AGTPBP1: variants seen among roughly 807,000 people sequenced by gnomAD.
AGTPBP1 encodes ATP/GTP binding carboxypeptidase 1.
In AGTPBP1, 70 loss-of-function variants were observed where a neutral mutation model predicts 143.9. The observed-to-expected ratio is 0.49, with a 90% CI of 0.40 to 0.59. The LOEUF (loss-of-function observed/expected upper bound fraction) is 0.59. Ranked by LOEUF, AGTPBP1 falls within the 20% of genes least tolerant of loss-of-function variation. The pLI, the probability that AGTPBP1 is intolerant of heterozygous loss-of-function variation, is 0.00. For missense variants in AGTPBP1, 1,229 were observed against 1,464.5 expected, an observed-to-expected ratio of 0.84 and a Z score of 2.62; for synonymous variants, 463 against 500.2, an observed-to-expected ratio of 0.93 and a Z score of 0.99.
upstream of AGTPBP1, chr9:85,742,164 G>A (rs1018376180): frequency 1.1e-5 from 6 of 543,106 alleles, no homozygotes; most frequent in African/African-American, 1.0e-4. Context: ...GAGCGCGCGC[G>A]TGGGGGCGGA....
chr9:85,772,589 A>C, the AGTPBP1 span, among the ~76,000 whole-genome samples: 1 of 152,036 alleles, frequency 6.6e-6, no homozygotes, highest in Non-Finnish European at 1.5e-5. Context: ...TCTACGAAAA[A>C]ATTTTTTAAA....
the AGTPBP1 span, among the ~76,000 whole-genome samples, chr9:85,789,136 GT>G: frequency 6.6e-6 from 1 of 152,004 alleles, no homozygotes; most frequent in Non-Finnish European, 1.5e-5. Flanking sequence ...AAGGTATGGT[GT>G]TTTTCTTCCT....
At chr9:85,773,871 C>T in the AGTPBP1 span, 1 of 1,610,532 alleles carries the variant, frequency 6.2e-7, no homozygotes, top group Non-Finnish European at 8.5e-7. Context: ...ACGGAAACAA[C>T]AATTATATAA....
chr9:85,684,297 C>A (rs895235422), intron 3 of AGTPBP1, among the ~76,000 whole-genome samples: 1 of 152,114 alleles, frequency 6.6e-6, no homozygotes. Context: ...GCTCCTGTAC[C>A]AAAATCCTTG....
chr9:85,645,660 C>T (rs1329830337), intron 12 of AGTPBP1, among the ~76,000 whole-genome samples: 1 of 151,912 alleles, frequency 6.6e-6, no homozygotes, highest in East Asian at 1.9e-4. Context: ...CCCTCCTCCC[C>T]CATAAAAAAA....
chr9:85,778,591 C>G, the AGTPBP1 span, among the ~76,000 whole-genome samples: 1 of 152,190 alleles, frequency 6.6e-6, no homozygotes, highest in Non-Finnish European at 1.5e-5. Flanking sequence ...TTTCAGGTCA[C>G]TCAATAAATG....
chr9:85,797,485 G>C, the AGTPBP1 span, among the ~76,000 whole-genome samples: 1 of 152,122 alleles, frequency 6.6e-6, no homozygotes, highest in Admixed American at 6.6e-5. Flanking sequence ...TTGTTCAAAA[G>C]GTTCAGACAT....
chr9:85,727,084 C>G (rs996364439), intron 1 of AGTPBP1, among the ~76,000 whole-genome samples: 1 of 152,164 alleles, frequency 6.6e-6, no homozygotes, highest in Admixed American at 6.5e-5. Flanking sequence ...AATCCTAGCA[C>G]TCCAGGATGA....
At chr9:85,617,332 CAT>C (rs778823601) in intron 17 of AGTPBP1, among the ~76,000 whole-genome samples, 14 of 152,144 alleles carry the variant, frequency 9.2e-5, no homozygotes, top group Admixed American at 1.3e-4. Flanking sequence ...ACTTGTCACA[CAT>C]ATGTTTCTTC....
chr9:85,689,925 A>AATAT (rs1554726691), intron 3 of AGTPBP1, among the ~76,000 whole-genome samples: 3,544 of 72,206 alleles, frequency 0.049, 164 homozygotes, highest in East Asian at 0.076. Flanking sequence ...AAAAAAAAAA[A>AATAT]ATATATATAT....
chr9:85,573,699 G>C (rs1396545378), intron 25 of AGTPBP1, among the ~76,000 whole-genome samples: 1 of 151,548 alleles, frequency 6.6e-6, no homozygotes, highest in African/African-American at 2.4e-5. Context: ...AGGAAGTAAG[G>C]AGCGTCTCTG....
chr9:85,708,975 TC>T (rs1167411681), intron 2 of AGTPBP1, among the ~76,000 whole-genome samples: 1 of 152,200 alleles, frequency 6.6e-6, no homozygotes, highest in African/African-American at 2.4e-5. Flanking sequence ...AGGAAATACT[TC>T]CTGATTCCAA....
chr9:85,554,083 A>T (rs1826188775), intron 25 of AGTPBP1: 1 of 152,270 alleles, frequency 6.6e-6, no homozygotes, highest in Non-Finnish European at 1.5e-5. Context: ...CACACAGTTG[A>T]ATTCAGTTAT....
chr9:85,631,145 T>C (rs1257612557), intron 14 of AGTPBP1, among the ~76,000 whole-genome samples: 1 of 152,194 alleles, frequency 6.6e-6, no homozygotes, highest in Non-Finnish European at 1.5e-5. Flanking sequence ...CCACATCTTG[T>C]TGTTACATTG....
chr9:85,797,881 T>A, the AGTPBP1 span, among the ~76,000 whole-genome samples: 1 of 152,244 alleles, frequency 6.6e-6, no homozygotes, highest in East Asian at 1.9e-4. Context: ...CCAGATCCCA[T>A]GTTTTTCTGT....
At chr9:85,665,927 C>T (rs1013015255) in intron 8 of AGTPBP1, among the ~76,000 whole-genome samples, 1 of 151,970 alleles carries the variant, frequency 6.6e-6, no homozygotes, top group Non-Finnish European at 1.5e-5. Context: ...TTCTATAACA[C>T]TTATAAGCCA....
chr9:85,577,951 C>T (rs1296126883), intron 24 of AGTPBP1, among the ~76,000 whole-genome samples: 1 of 152,082 alleles, frequency 6.6e-6, no homozygotes, highest in African/African-American at 2.4e-5. Flanking sequence ...AAAGTTATTA[C>T]CATCTTTATG....
intron 10 of AGTPBP1, 87 bp from the exon 11 acceptor site, chr9:85,655,407 T>C (rs1293125327): frequency 2.7e-6 from 3 of 1,126,230 alleles, no homozygotes; most frequent in African/African-American, 3.2e-5. Context: ...TGTCATACAT[T>C]AATAATTTTC....
chr9:85,769,328 C>A, the AGTPBP1 span, among the ~76,000 whole-genome samples: 1 of 151,912 alleles, frequency 6.6e-6, no homozygotes, highest in Non-Finnish European at 1.5e-5. Flanking sequence ...CAAATCTCAC[C>A]AATCTGAAGT....
Sources: gnomAD v4.1 joint callset for allele counts (sites outside exome capture counted in the v4.1 genomes callset) on GRCh38, gnomAD v4.1.1 for gene constraint, MANE v1.5 for transcripts, NCBI Gene and HGNC (gene_info 2026-07-23, HGNC 2026-07-21) for gene names.